PARD3B: variants seen among roughly 807,000 people sequenced by gnomAD.
PARD3B encodes the protein partitioning defective 3 homolog B.
PARD3B carries 103 observed loss-of-function variants against 130.2 expected under a neutral mutation model. That is an observed-to-expected ratio of 0.79 (90% CI 0.67 to 0.93). PARD3B has a LOEUF of 0.93. PARD3B is among the 40% of genes least tolerant of loss of function. PARD3B has a pLI of 0.00. For synonymous variants in PARD3B, 583 were observed against 553.2 expected (o/e 1.05, Z -0.76); for missense variants, 1,609 against 1,499.2 (o/e 1.07, Z -1.21).
chr2:204,910,851 C>T (rs567929632), intron 2 of PARD3B, among the ~76,000 whole-genome samples: 1 of 152,164 alleles, frequency 6.6e-6, no homozygotes, highest in East Asian at 1.9e-4. Flanking sequence ...ACTTTGTTAG[C>T]CAGGATGGTC....
At chr2:205,607,831 T>TACACCCATACACCCATAC (rs1553560828) in intron 22 of PARD3B, among the ~76,000 whole-genome samples, 1 of 116,190 alleles carries the variant, frequency 8.6e-6, no homozygotes, top group African/African-American at 4.1e-5. Context: ...CCAACACCCA[T>TACACCCATACACCCATAC]ACACACACAC....
chr2:205,097,924 T>G (rs1223570025), intron 4 of PARD3B, among the ~76,000 whole-genome samples: 1 of 151,976 alleles, frequency 6.6e-6, no homozygotes, highest in East Asian at 1.9e-4. Flanking sequence ...TGAAGTCAAC[T>G]GAGAGATTTC....
chr2:205,344,722 A>G (rs1374269853), intron 18 of PARD3B, among the ~76,000 whole-genome samples: 1 of 152,162 alleles, frequency 6.6e-6, no homozygotes, highest in Non-Finnish European at 1.5e-5. Flanking sequence ...TGGTCTTTCC[A>G]GTAGAGTTTA....
chr2:204,627,084 C>T (rs1300590134), intron 1 of PARD3B, among the ~76,000 whole-genome samples: 2 of 152,098 alleles, frequency 1.3e-5, no homozygotes, highest in Admixed American at 6.6e-5. Context: ...CTTCACTGGT[C>T]GTCTTCTCTC....
chr2:205,369,003 C>A (rs76566626), intron 18 of PARD3B, among the ~76,000 whole-genome samples: 4,694 of 152,224 alleles, frequency 0.031, 208 homozygotes, highest in African/African-American at 0.11. Flanking sequence ...GCAAAACACT[C>A]TAAAATGTAA....
chr2:204,633,021 G>T (rs1208397904), intron 1 of PARD3B, among the ~76,000 whole-genome samples: 1 of 152,122 alleles, frequency 6.6e-6, no homozygotes, highest in African/African-American at 2.4e-5. Flanking sequence ...TGGCTATTGT[G>T]AATAATGCTG....
At chr2:205,049,172 C>T (rs551926701) in intron 4 of PARD3B, among the ~76,000 whole-genome samples, 8 of 152,220 alleles carry the variant, frequency 5.3e-5, no homozygotes, top group Admixed American at 3.3e-4. Flanking sequence ...CCTGTATTTG[C>T]CCATTTTCAC....
At chr2:204,854,984 A>G (rs1349049725) in intron 2 of PARD3B, among the ~76,000 whole-genome samples, 1 of 152,132 alleles carries the variant, frequency 6.6e-6, no homozygotes, top group African/African-American at 2.4e-5. Context: ...TGAATTTTAT[A>G]GTCAGGTTTG....
intron 16 of PARD3B, among the ~76,000 whole-genome samples, chr2:205,249,030 G>A (rs146668734): frequency 0.017 from 1,735 of 103,200 alleles, 40 homozygotes; most frequent in African/African-American, 0.065. Context: ...TTTTTTTTGA[G>A]ACAGATTCTC....
intron 19 of PARD3B, among the ~76,000 whole-genome samples, chr2:205,413,964 GT>G (rs1364137822): frequency 6.6e-6 from 1 of 152,164 alleles, no homozygotes; most frequent in Non-Finnish European, 1.5e-5. Flanking sequence ...GAATTTGGTT[GT>G]ATGGATGAGA....
At chr2:205,248,729 T>C (rs943140139) in intron 16 of PARD3B, among the ~76,000 whole-genome samples, 6 of 145,488 alleles carry the variant, frequency 4.1e-5, no homozygotes, top group African/African-American at 1.5e-4. Flanking sequence ...TGCCTCAGCC[T>C]CCCGAGTAGC....
intron 15 of PARD3B, among the ~76,000 whole-genome samples, chr2:205,217,864 G>A (rs1314258600): frequency 2.6e-4 from 20 of 76,724 alleles, no homozygotes; most frequent in African/African-American, 1.1e-3. Flanking sequence ...GTGTGTGTGT[G>A]TGTGTATATA....
chr2:204,990,321 T>C (rs1224623692), intron 3 of PARD3B, among the ~76,000 whole-genome samples: 2 of 152,106 alleles, frequency 1.3e-5, no homozygotes, highest in Non-Finnish European at 2.9e-5. Context: ...ATATTTGATA[T>C]ATGCATACAA....
intron 1 of PARD3B, among the ~76,000 whole-genome samples, chr2:204,650,938 C>G (rs550388405): frequency 1.2e-4 from 19 of 152,102 alleles, no homozygotes; most frequent in African/African-American, 4.6e-4. Flanking sequence ...TTCAGACAAC[C>G]AGATCTCAGG....
chr2:205,236,153 A>G lies in PARD3B; in HGVS notation c.2141-9625A>G, dbSNP rs115162017. 6.4e-3 allele frequency among the ~76,000 whole-genome samples: 980 copies of G among 152,352 alleles called. 13 individuals are homozygous for G. The highest frequency in any genetic ancestry group is 0.022 in the African/African-American group (924 of 41,580). On this transcript the variant is annotated intron_variant, in intron 15 of 22. Transcript: ENST00000406610. ...ATCATATTCATGCAAGAAGAAATAAATAGTGTGGAAACCTTGTAGATATTA... is the reference window on the plus strand; with the variant it reads ...ATCATATTCATGCAAGAAGAAATAAGTAGTGTGGAAACCTTGTAGATATTA...
intron 1 of PARD3B, among the ~76,000 whole-genome samples, chr2:204,563,144 G>A (rs946062272): frequency 1.3e-5 from 2 of 151,726 alleles, no homozygotes; most frequent in Admixed American, 1.3e-4. Context: ...GCTTCTGGCA[G>A]CCCAGGGCAT....
intron 20 of PARD3B, among the ~76,000 whole-genome samples, chr2:205,497,373 A>C (rs1482075788): frequency 6.6e-6 from 1 of 151,012 alleles, no homozygotes; most frequent in African/African-American, 2.4e-5. Flanking sequence ...TTTGCAATTA[A>C]CTTACCATCT....
intron 2 of PARD3B, among the ~76,000 whole-genome samples, chr2:204,833,756 T>C (rs1381510569): frequency 6.6e-6 from 1 of 152,082 alleles, no homozygotes; most frequent in African/African-American, 2.4e-5. Flanking sequence ...GTCCATTAGA[T>C]CTCTTTTTCT....
intron 1 of PARD3B, among the ~76,000 whole-genome samples, chr2:204,590,377 C>T (rs1311589751): frequency 2.6e-5 from 4 of 152,168 alleles, no homozygotes; most frequent in African/African-American, 9.7e-5. Flanking sequence ...CACAGATGCG[C>T]AGTTTGTAAC....
Sources: allele counts gnomAD v4.1 joint callset (sites outside exome capture counted in the v4.1 genomes callset), GRCh38; gene constraint gnomAD v4.1.1; transcripts MANE v1.5; gene names NCBI Gene and HGNC (gene_info 2026-07-23, HGNC 2026-07-21).